The following NAALADL2 variants were observed in gnomAD, a reference collection of about 807,000 sequenced individuals.
The protein encoded by NAALADL2 is inactive N-acetylated-alpha-linked acidic dipeptidase-like protein 2.
NAALADL2 carries 76 observed loss-of-function variants against 87.2 expected under a neutral mutation model. The observed-to-expected ratio is 0.87, with a 90% CI of 0.72 to 1.05. The LOEUF (loss-of-function observed/expected upper bound fraction) is 1.05, where lower values mean the gene tolerates loss of function less well. NAALADL2 is among the 50% of genes least tolerant of loss of function. The pLI is 0.00. For missense variants in NAALADL2, 1,089 were observed against 945.8 expected (o/e 1.15, Z -1.99); for synonymous variants, 354 against 331.0 (o/e 1.07, Z -0.75).
chr3:175,283,219 C>T (rs1236575028), intron 4 of NAALADL2, among the ~76,000 whole-genome samples: 1 of 152,062 alleles, frequency 6.6e-6, no homozygotes, highest in Non-Finnish European at 1.5e-5. Flanking sequence ...ACTGCACGGT[C>T]ACCTCTTTCC....
intron 13 of NAALADL2, among the ~76,000 whole-genome samples, chr3:175,770,654 G>A (rs62286130): frequency 0.085 from 12,974 of 152,188 alleles, 571 homozygotes; most frequent in Middle Eastern, 0.099. Flanking sequence ...CAGGTACAGT[G>A]CCTCCAATTT....
intron 10 of NAALADL2, among the ~76,000 whole-genome samples, chr3:175,595,753 TG>T (rs1395337394): frequency 1.3e-5 from 2 of 151,884 alleles, no homozygotes; most frequent in Non-Finnish European, 2.9e-5. Flanking sequence ...CAGAAATGAA[TG>T]GAAAAACATT....
At chr3:175,667,436 T>C (rs928938761) in intron 11 of NAALADL2, among the ~76,000 whole-genome samples, 1 of 152,074 alleles carries the variant, frequency 6.6e-6, no homozygotes, top group Non-Finnish European at 1.5e-5. Flanking sequence ...TTGAAAACTT[T>C]GATTGTCTTT....
chr3:175,334,448 C>A (rs965213854), intron 5 of NAALADL2, among the ~76,000 whole-genome samples: 1 of 152,096 alleles, frequency 6.6e-6, no homozygotes, highest in East Asian at 1.9e-4. Flanking sequence ...ATTTGTTTAT[C>A]TTTCCCCCTC....
chr3:174,716,693 G>T (rs1404346565), intron 2 of NAALADL2, among the ~76,000 whole-genome samples: 2 of 151,662 alleles, frequency 1.3e-5, no homozygotes, highest in Non-Finnish European at 1.5e-5. Flanking sequence ...ATCTCTGTGT[G>T]TACAGGCTGG....
At chr3:174,909,432 A>C (rs1733397752) in intron 1 of NAALADL2, among the ~76,000 whole-genome samples, 1 of 152,012 alleles carries the variant, frequency 6.6e-6, no homozygotes, top group South Asian at 2.1e-4. Context: ...CACACCAGAC[A>C]CTTGTGCAAA....
At chr3:174,891,132 T>C (rs536169178) in intron 1 of NAALADL2, among the ~76,000 whole-genome samples, 1 of 152,102 alleles carries the variant, frequency 6.6e-6, no homozygotes, top group Non-Finnish European at 1.5e-5. Flanking sequence ...TTTTATTAAG[T>C]AATAGATAAG....
rs58820701 is a variant in NAALADL2 at position 175,087,374 on chromosome 3, G to A, written c.44-9416G>A. Among the ~76,000 whole-genome samples the A allele has an allele frequency of 9.5e-3, 1,445 of 151,834 alleles. 22 individuals carry two copies. The highest frequency in any genetic ancestry group is 0.033 in the African/African-American group (1,372 of 41,464). The stretch of plus-strand genomic sequence containing the variant: ...CCGCCCCGTCTGGGAAGTGAGGAGC[G>A]CCTCTGCCCGGCCGCCACCCCGTCT... On this transcript the variant is annotated intron_variant, in intron 1 of 13. Coordinates refer to ENST00000454872, the MANE Select transcript of NAALADL2 (RefSeq NM_207015.3).
intron 2 of NAALADL2, among the ~76,000 whole-genome samples, chr3:175,132,222 G>A (rs1250709880): frequency 1.3e-4 from 8 of 59,292 alleles, no homozygotes; most frequent in East Asian, 6.5e-4. Flanking sequence ...GGGCAGAGGC[G>A]CCCCTCACCT....
Position 175,329,249 on chromosome 3 carries a change from T to C in NAALADL2, c.1090+4924T>C, listed in dbSNP as rs1447983872. Among the ~76,000 whole-genome samples the C allele has an allele frequency of 1.3e-5, 2 of 152,206 alleles. 1 individual carries two copies. The highest frequency in any genetic ancestry group is 2.9e-5 in the Non-Finnish European group (2 of 68,026). On this transcript the variant is annotated intron_variant, in intron 5 of 13. Coordinates refer to ENST00000454872, the MANE Select transcript of NAALADL2 (RefSeq NM_207015.3). ...CAATCCTTTTTTTCCTTTTTATTTG[T>C]TTTAAATTCTGGAGAGAAAAGTCTT...
chr3:174,979,540 C>T (rs1054780180), intron 1 of NAALADL2, among the ~76,000 whole-genome samples: 3 of 151,784 alleles, frequency 2.0e-5, no homozygotes, highest in South Asian at 2.1e-4. Flanking sequence ...CTGCTGGCCT[C>T]GTGATCCGCC....
chr3:175,456,884 G>C (rs547461131), intron 6 of NAALADL2, among the ~76,000 whole-genome samples: 13 of 152,118 alleles, frequency 8.5e-5, no homozygotes, highest in African/African-American at 2.6e-4. Flanking sequence ...AAGAGTTTCT[G>C]TCTTTTCTTG....
intron 1 of NAALADL2, among the ~76,000 whole-genome samples, chr3:175,002,546 C>T (rs115897482): frequency 1.3e-4 from 20 of 152,166 alleles, no homozygotes; most frequent in Middle Eastern, 3.4e-3. Flanking sequence ...ATGAAACAAG[C>T]AAAGATCTCT....
At chr3:174,941,069 C>T (rs1389110211) in intron 1 of NAALADL2, among the ~76,000 whole-genome samples, 1 of 151,896 alleles carries the variant, frequency 6.6e-6, no homozygotes, top group Non-Finnish European at 1.5e-5. Context: ...TGTTTTGCTT[C>T]TGTAATTCTT....
intron 1 of NAALADL2, among the ~76,000 whole-genome samples, chr3:175,087,800 A>C (rs1719325463): frequency 6.6e-6 from 1 of 151,768 alleles, no homozygotes; most frequent in South Asian, 2.1e-4. Context: ...TGCCTAGGAA[A>C]ACCAGAGACC....
chr3:175,786,684 C>A (rs1008163460), intron 13 of NAALADL2, among the ~76,000 whole-genome samples: 9 of 152,182 alleles, frequency 5.9e-5, no homozygotes, highest in Admixed American at 1.3e-4. Flanking sequence ...TCGTCTGAAG[C>A]CTTCTTCTCT....
intron 10 of NAALADL2, among the ~76,000 whole-genome samples, chr3:175,623,277 A>T (rs935148549): frequency 1.7e-5 from 2 of 114,796 alleles, no homozygotes; most frequent in Non-Finnish European, 3.8e-5. Flanking sequence ...TAGTTAATAC[A>T]GCTTTTATTT....
rs10678475 is a variant in NAALADL2 at position 175,314,072 on chromosome 3, C to CAAA, written c.940-10087_940-10085dup. ...TGGGCAACAGAGTGAGACTCCATCT[C>CAAA]AAAAAAAAAAAAAAAAAAGAAAAGT... On this transcript the variant is annotated intron_variant, in intron 4 of 13. Transcript: ENST00000454872. Among the ~76,000 whole-genome samples the CAAA allele has an allele frequency of 5.1e-3, 410 of 79,758 alleles. 3 individuals are homozygous for CAAA. Among genetic ancestry groups the CAAA allele is most frequent in the Middle Eastern group, 0.015 (2 of 130 alleles). The allele number at this position is 79,758 out of a possible 152,430, so 52.3% of individuals were successfully genotyped here.
chr3:174,524,565 G>A (rs1720554782), intron 1 of NAALADL2, among the ~76,000 whole-genome samples: 3 of 151,874 alleles, frequency 2.0e-5, no homozygotes, highest in African/African-American at 7.3e-5. Flanking sequence ...GTTTTTTTGT[G>A]ACAGAGTCCG....
Sources: allele counts gnomAD v4.1 joint callset (sites outside exome capture counted in the v4.1 genomes callset), GRCh38; gene constraint gnomAD v4.1.1; transcripts MANE v1.5; gene names NCBI Gene and HGNC (gene_info 2026-07-23, HGNC 2026-07-21).